CAMK4: variants seen among roughly 807,000 people sequenced by gnomAD.
The protein encoded by CAMK4 is calcium/calmodulin dependent protein kinase IV.
CAMK4 carries 22 observed loss-of-function variants against 44.9 expected under a neutral mutation model. The ratio of observed to expected loss-of-function variants is 0.49; its 90% confidence interval spans 0.35 to 0.70. The LOEUF (loss-of-function observed/expected upper bound fraction) is 0.70. Ranked by LOEUF, CAMK4 falls within the 30% of genes least tolerant of loss-of-function variation. CAMK4 has a pLI of 0.01. For synonymous variants in CAMK4, 218 were observed against 215.4 expected (o/e 1.01, Z -0.11); for missense variants, 498 against 586.8 (o/e 0.85, Z 1.56).
At chr5:111,446,580 G>A (rs1754036592) in intron 5 of CAMK4, 106 bp from the exon 6 acceptor site, 2 of 639,106 alleles carry the variant, frequency 3.1e-6, no homozygotes, top group Non-Finnish European at 5.6e-6. Flanking sequence ...GTCATACTAT[G>A]TGTGTTCTTG....
At chr5:111,431,662 A>G (rs1753446905) in intron 5 of CAMK4, among the ~76,000 whole-genome samples, 1 of 152,212 alleles carries the variant, frequency 6.6e-6, no homozygotes, top group South Asian at 2.1e-4. Context: ...ACAACTCTAT[A>G]GGAAAAAAAT....
intron 1 of CAMK4, among the ~76,000 whole-genome samples, chr5:111,327,044 C>T (rs567005121): frequency 2.0e-5 from 3 of 151,480 alleles, no homozygotes; most frequent in Non-Finnish European, 4.4e-5. Flanking sequence ...TTTTAGGGTA[C>T]ATGTGCACAA....
intron 2 of CAMK4, among the ~76,000 whole-genome samples, chr5:111,345,027 A>G (rs984071794): frequency 6.6e-6 from 1 of 151,908 alleles, no homozygotes; most frequent in Non-Finnish European, 1.5e-5. Context: ...GAGAAGTATC[A>G]TAAATTTTGA....
At chr5:111,448,026 A>G (rs1485420688) in intron 6 of CAMK4, among the ~76,000 whole-genome samples, 21 of 152,234 alleles carry the variant, frequency 1.4e-4, no homozygotes. Context: ...TTCCACTGAT[A>G]AGGATCAGGC....
intron 5 of CAMK4, among the ~76,000 whole-genome samples, chr5:111,400,835 G>T (rs1752196819): frequency 1.3e-5 from 2 of 152,148 alleles, no homozygotes; most frequent in South Asian, 4.1e-4. Context: ...GGGTCATCCT[G>T]TAGTAGCACA....
chr5:111,382,354 G>A (rs1236902064), intron 4 of CAMK4, among the ~76,000 whole-genome samples: 6 of 152,124 alleles, frequency 3.9e-5, no homozygotes, highest in African/African-American at 1.4e-4. Flanking sequence ...TTGAGAAATG[G>A]AACTGAGGCT....
chr5:111,299,323 C>A (rs1184063117), intron 1 of CAMK4, among the ~76,000 whole-genome samples: 1 of 152,120 alleles, frequency 6.6e-6, no homozygotes, highest in Non-Finnish European at 1.5e-5. Context: ...GTATAATTAC[C>A]CTGCTAATGC....
At chr5:111,401,806 G>T (rs774814583) in intron 5 of CAMK4, among the ~76,000 whole-genome samples, 2 of 152,158 alleles carry the variant, frequency 1.3e-5, no homozygotes, top group Admixed American at 1.3e-4. Flanking sequence ...AAAATGAAGA[G>T]GTTAAAATTA....
intron 4 of CAMK4, among the ~76,000 whole-genome samples, chr5:111,381,328 A>G (rs2112836121): frequency 6.6e-6 from 1 of 152,302 alleles, no homozygotes; most frequent in Non-Finnish European, 1.5e-5. Context: ...CAAGCTGAGG[A>G]GCCAGGAAGC....
chr5:111,325,284 C>T (rs1056742355), intron 1 of CAMK4, among the ~76,000 whole-genome samples: 4 of 151,868 alleles, frequency 2.6e-5, no homozygotes, highest in African/African-American at 9.7e-5. Flanking sequence ...GGGTTGGTTC[C>T]AAGTCTTTGC....
intron 1 of CAMK4, among the ~76,000 whole-genome samples, chr5:111,311,260 A>G (rs1242717669): frequency 6.6e-6 from 1 of 152,216 alleles, no homozygotes; most frequent in African/African-American, 2.4e-5. Context: ...TAGATTTTCT[A>G]AAACTGGCAG....
chr5:111,382,738 A>G (rs914437642), intron 4 of CAMK4, among the ~76,000 whole-genome samples: 4 of 152,166 alleles, frequency 2.6e-5, no homozygotes, highest in African/African-American at 9.7e-5. Flanking sequence ...ATCTAATAAT[A>G]ATTAAATAAG....
intron 5 of CAMK4, among the ~76,000 whole-genome samples, chr5:111,418,288 T>C (rs964605423): frequency 1.4e-4 from 21 of 152,106 alleles, no homozygotes; most frequent in Non-Finnish European, 2.9e-4. Flanking sequence ...CAAATAGGTG[T>C]GGGTCACAGA....
At chr5:111,442,486 G>A (rs979076141) in intron 5 of CAMK4, among the ~76,000 whole-genome samples, 14 of 149,360 alleles carry the variant, frequency 9.4e-5, no homozygotes, top group Admixed American at 6.7e-4. Context: ...GACAGACTGC[G>A]TCTCAAAAAC....
intron 1 of CAMK4, among the ~76,000 whole-genome samples, chr5:111,336,567 G>C (rs977328224): frequency 2.7e-5 from 4 of 150,544 alleles, no homozygotes; most frequent in South Asian, 2.1e-4. Flanking sequence ...TTTATTTCTA[G>C]TATACTTGTG....
In CAMK4 at chr5:111,446,780, A is replaced by G. The variant is rs761853039; in HGVS notation, c.550+4A>G. ...CCAGATGCACCACTCAAAATCGGTGAGAACATTTCTTCTTGTTTTGTGACC... is the reference window on the plus strand; with the variant it reads ...CCAGATGCACCACTCAAAATCGGTGGGAACATTTCTTCTTGTTTTGTGACC... On this transcript the variant is annotated splice_donor_region_variant and intron_variant, in intron 6 of 10. Coordinates refer to ENST00000282356, the MANE Select transcript of CAMK4 (RefSeq NM_001744.6). The G allele has an allele frequency of 5.1e-6, 8 of 1,579,964 alleles. No individual in the cohort carries two copies. Among genetic ancestry groups the G allele is most frequent in the Non-Finnish European group, 7.0e-6 (8 of 1,149,170 alleles).
At chr5:111,303,773 A>G (rs1747835605) in intron 1 of CAMK4, among the ~76,000 whole-genome samples, 1 of 147,650 alleles carries the variant, frequency 6.8e-6, no homozygotes. Flanking sequence ...CGAGAAGAGC[A>G]ACTCGAAGAC....
In CAMK4 at chr5:111,449,263, G is replaced by A. The variant is rs531469348; in HGVS notation, c.625+60G>A. 11 of 784,890 alleles carry A rather than the reference G, an allele frequency of 1.4e-5. No homozygotes were observed. In the Admixed American group the frequency reaches 2.4e-4, roughly 17 times the overall value. The allele number at this position is 784,890 out of a possible 1,614,324, so 48.6% of individuals were successfully genotyped here. ...GTTATTTGAAATGTATTTTTGTTTA[G>A]CAATCTCATTTTTAAAAATTCCTAA... is the stretch of plus-strand genomic sequence containing the variant. On this transcript the variant is annotated intron_variant, in intron 7 of 10. Transcript: ENST00000282356.
In CAMK4 at chr5:111,290,647, G is replaced by A. The variant is rs947797850; in HGVS notation, c.162-53377G>A. Among the ~76,000 whole-genome samples, 4 of 152,136 alleles carry A rather than the reference G, an allele frequency of 2.6e-5. No homozygotes were observed. Among genetic ancestry groups the A allele is most frequent in the African/African-American group, 4.8e-5 (2 of 41,436 alleles). ...GCTGGGCACAGACAAGCACTAAAAG[G>A]CGCTAGTGTTTCCACTGGTGTTTCC... On this transcript the variant is annotated intron_variant, in intron 1 of 10. Transcript: ENST00000282356. The surrounding 1 kb of genome is among the most constrained non-coding windows in gnomAD (Gnocchi z 4.5).
Sources: gnomAD v4.1 joint callset for allele counts (sites outside exome capture counted in the v4.1 genomes callset) on GRCh38, gnomAD v4.1.1 for gene constraint, Gnocchi (gnomAD v3.1) non-coding constraint, MANE v1.5 for transcripts, NCBI Gene and HGNC (gene_info 2026-07-23, HGNC 2026-07-21) for gene names.